The following URI1 variants were observed in gnomAD, a reference collection of about 807,000 sequenced individuals.
URI1 encodes unconventional prefoldin RPB5 interactor 1.
In URI1, 39 loss-of-function variants were observed where a neutral mutation model predicts 60.2. That is an observed-to-expected ratio of 0.65 (90% confidence interval 0.50 to 0.85). The LOEUF (loss-of-function observed/expected upper bound fraction) is 0.85. Among genes scored for constraint, URI1 ranks in the 40% least tolerant of loss-of-function variants. The pLI is 0.00. For missense variants in URI1, 691 were observed against 665.9 expected (o/e 1.04, Z -0.42); for synonymous variants, 251 against 236.8 (o/e 1.06, Z -0.55).
At chr19:29,980,934 A>T (rs2055589577) in intron 2 of URI1, among the ~76,000 whole-genome samples, 1 of 151,506 alleles carries the variant, frequency 6.6e-6, no homozygotes, top group African/African-American at 2.4e-5. Context: ...AAAAAAAAAA[A>T]AAAAAAAAAA....
intron 1 of URI1, among the ~76,000 whole-genome samples, chr19:29,967,031 C>T (rs747191494): frequency 6.6e-6 from 1 of 152,192 alleles, no homozygotes. Flanking sequence ...CTTAGAAACT[C>T]ATAGGTTTAT....
intron 2 of URI1, among the ~76,000 whole-genome samples, chr19:29,984,110 A>G (rs751770187): frequency 1.3e-5 from 2 of 152,172 alleles, no homozygotes; most frequent in Non-Finnish European, 2.9e-5. Context: ...GCCAGTATCT[A>G]TTCACTCAAA....
At position 30,015,679 on chromosome 19, in the gene URI1, G is replaced by T. The variant is rs2056077479; in HGVS notation, c.*610G>T. ...TATTTTGTAAAACTTTTTTTTCCAA[G>T]TAAAAACTTTATGAAACTTGGTCTC... is the stretch of plus-strand genomic sequence containing the variant. On this transcript the variant is annotated 3_prime_UTR_variant, in exon 11 of 11. Transcript: ENST00000392271. 1.6e-6 allele frequency: 2 copies of T among 1,254,014 alleles called. No homozygotes were observed. The highest frequency in any genetic ancestry group is 2.2e-6 in the Non-Finnish European group (2 of 917,854). The allele number at this position is 1,254,014 out of a possible 1,614,324, so 77.7% of individuals were successfully genotyped here. A position where few individuals can be genotyped will look rare whatever the true frequency, so the allele number is the denominator to read the frequency against.
intron 1 of URI1, chr19:29,925,574 C>T (rs932731932): frequency 6.6e-6 from 1 of 152,244 alleles, no homozygotes; most frequent in Non-Finnish European, 1.5e-5. Context: ...TGAAGAAACT[C>T]CACAGAGATG....
chr19:30,000,237 T>C, intron 4 of URI1, among the ~76,000 whole-genome samples: 1 of 152,066 alleles, frequency 6.6e-6, no homozygotes, highest in South Asian at 2.1e-4. Flanking sequence ...TCAGATACTT[T>C]TTTTGTTGTT....
At chr19:29,982,852 C>T (rs1018296765) in intron 2 of URI1, among the ~76,000 whole-genome samples, 1 of 152,158 alleles carries the variant, frequency 6.6e-6, no homozygotes, top group African/African-American at 2.4e-5. Context: ...GTAGTTGCTC[C>T]ATGCTGGGCA....
At chr19:29,970,215 C>T (rs1365975651) in intron 1 of URI1, among the ~76,000 whole-genome samples, 2 of 136,394 alleles carry the variant, frequency 1.5e-5, no homozygotes, top group African/African-American at 5.6e-5. Flanking sequence ...GTATTTAGAG[C>T]AGTGAACTAG....
chr19:29,966,335 C>T (rs192702078), intron 1 of URI1, among the ~76,000 whole-genome samples: 3 of 152,174 alleles, frequency 2.0e-5, no homozygotes, highest in East Asian at 1.9e-4. Context: ...GACGGGGTTT[C>T]ACCATGTTGG....
At chr19:29,960,035 A>G (rs1303188258) in intron 1 of URI1, among the ~76,000 whole-genome samples, 2 of 152,158 alleles carry the variant, frequency 1.3e-5, no homozygotes, top group African/African-American at 4.8e-5. Flanking sequence ...CTTATCAGTC[A>G]TTTAAAAATA....
At chr19:29,996,479 T>TGTGTGTG (rs2055814024) in intron 4 of URI1, among the ~76,000 whole-genome samples, 130 of 150,524 alleles carry the variant, frequency 8.6e-4, no homozygotes, top group African/African-American at 2.9e-3. Flanking sequence ...CAAGGGTGTT[T>TGTGTGTG]TGTGTGTGTG....
intron 1 of URI1, among the ~76,000 whole-genome samples, chr19:29,950,657 G>A (rs775846583): frequency 6.6e-6 from 1 of 151,964 alleles, no homozygotes; most frequent in Non-Finnish European, 1.5e-5. Context: ...TTACATCAAG[G>A]TCATTCTTCT....
At chr19:29,991,579 G>A (rs1466334876) in intron 4 of URI1, among the ~76,000 whole-genome samples, 6 of 151,968 alleles carry the variant, frequency 3.9e-5, no homozygotes, top group Non-Finnish European at 1.5e-5. Flanking sequence ...TTTCCAAGGT[G>A]TATACACTTC....
At chr19:29,926,500 T>C (rs2054869654) in intron 1 of URI1, among the ~76,000 whole-genome samples, 1 of 152,100 alleles carries the variant, frequency 6.6e-6, no homozygotes, top group South Asian at 2.1e-4. Flanking sequence ...CAGACTAGAC[T>C]TGAACTCCTT....
At chr19:29,962,248 G>A (rs558052959) in intron 1 of URI1, among the ~76,000 whole-genome samples, 140 of 148,568 alleles carry the variant, frequency 9.4e-4, no homozygotes, top group Non-Finnish European at 1.8e-3. Context: ...GTACTTTTAT[G>A]TTCTTTTTTC....
intron 1 of URI1, among the ~76,000 whole-genome samples, chr19:29,970,231 C>T (rs1297569518): frequency 6.9e-6 from 1 of 144,798 alleles, no homozygotes; most frequent in Non-Finnish European, 1.5e-5. Context: ...ACTAGAGCAG[C>T]GTTTTGCAAA....
intron 2 of URI1, among the ~76,000 whole-genome samples, chr19:29,972,613 A>G (rs2055473450): frequency 6.6e-6 from 1 of 152,144 alleles, no homozygotes; most frequent in Non-Finnish European, 1.5e-5. Flanking sequence ...GAGTTCTTTA[A>G]GGATAAGGGC....
At chr19:29,961,919 G>A (rs2055330589) in intron 1 of URI1, among the ~76,000 whole-genome samples, 2 of 151,886 alleles carry the variant, frequency 1.3e-5, no homozygotes, top group South Asian at 2.1e-4. Context: ...TCCTGACCTC[G>A]GGTGATCCAC....
intron 1 of URI1, chr19:29,956,590 C>G (rs1046137283): frequency 6.6e-7 from 1 of 1,505,894 alleles, no homozygotes; most frequent in African/African-American, 1.4e-5. Context: ...AGGTACTGAA[C>G]AGGCAACACC....
chr19:29,991,662 T>G (rs1442148704), intron 4 of URI1, among the ~76,000 whole-genome samples: 2 of 152,138 alleles, frequency 1.3e-5, no homozygotes, highest in Admixed American at 6.5e-5. Flanking sequence ...TAAGAGTAGG[T>G]AGGTGTCTTT....
Sources: gnomAD v4.1 joint callset for allele counts (sites outside exome capture counted in the v4.1 genomes callset) on GRCh38, gnomAD v4.1.1 for gene constraint, MANE v1.5 for transcripts, NCBI Gene and HGNC (gene_info 2026-07-23, HGNC 2026-07-21) for gene names.